C13orf46: variants seen among roughly 807,000 people sequenced by gnomAD.
C13orf46 encodes the protein chromosome 13 open reading frame 46.
chr13:113,972,685 G>A (rs1321426899), intron 1 of C13orf46, among the ~76,000 whole-genome samples: 20 of 152,214 alleles, frequency 1.3e-4, no homozygotes, highest in Admixed American at 1.3e-3. Flanking sequence ...TACACGTTTC[G>A]CGGTTTAGAA....
At chr13:113,957,797 C>T (rs2052552141) in intron 6 of C13orf46, among the ~76,000 whole-genome samples, 1 of 148,358 alleles carries the variant, frequency 6.7e-6, no homozygotes, top group African/African-American at 2.5e-5. Context: ...TGCCTGCACC[C>T]CCTTTCATCA....
At chr13:113,951,048 G>A (rs1215597227), downstream of C13orf46, among the ~76,000 whole-genome samples, 5 of 152,252 alleles carry the variant, frequency 3.3e-5, no homozygotes, top group Admixed American at 3.3e-4. Context: ...TCACAGCACA[G>A]GGTTTCCCAT....
the C13orf46 span, among the ~76,000 whole-genome samples, chr13:113,939,046 G>A: frequency 6.5e-4 from 98 of 151,858 alleles, 2 homozygotes; most frequent in East Asian, 3.7e-3. Flanking sequence ...TTCCAGACCC[G>A]CCAGGTGCCT....
chr13:113,972,405 G>A (rs1011502134), intron 1 of C13orf46, among the ~76,000 whole-genome samples: 2 of 152,226 alleles, frequency 1.3e-5, no homozygotes, highest in African/African-American at 4.8e-5. Context: ...CCCAGGGCTT[G>A]AGCAAGCAAA....
the C13orf46 span, among the ~76,000 whole-genome samples, chr13:113,930,130 G>A: frequency 6.6e-6 from 1 of 152,234 alleles, no homozygotes; most frequent in African/African-American, 2.4e-5. Context: ...CCTTGGGTCT[G>A]CACGAGGCTC....
chr13:113,945,081 G>A, the C13orf46 span, among the ~76,000 whole-genome samples: 11 of 148,506 alleles, frequency 7.4e-5, no homozygotes, highest in African/African-American at 1.2e-4. Context: ...GGTGTGTGAC[G>A]GGCCCTCCAG....
rs1378084062 is a variant in C13orf46, at chr13:113,955,486, T to C, written c.*1287A>G. On this transcript the variant is annotated 3_prime_UTR_variant, in exon 7 of 7. Coordinates refer to ENST00000636427, the MANE Select transcript of C13orf46 (RefSeq NM_001365455.2). Reference sequence around the variant, plus strand: ...GCATCTCGAGGAGCGGAGGAGCATCTGGCGGAGACGAGGAGCATCTCGTGG... The same window carrying C: ...GCATCTCGAGGAGCGGAGGAGCATCCGGCGGAGACGAGGAGCATCTCGTGG... 19,872 of 146,088 alleles carry C rather than the reference T, an allele frequency of 0.14. 1,776 individuals are homozygous for C. Among genetic ancestry groups the C allele is most frequent in the Non-Finnish European group, 0.18 (12,486 of 70,182 alleles). 9.0% of individuals were successfully genotyped at this position (146,088 alleles called of 1,614,324 possible).
intron 2 of C13orf46, among the ~76,000 whole-genome samples, chr13:113,969,711 G>T (rs975445440): frequency 6.6e-6 from 1 of 152,204 alleles, no homozygotes; most frequent in African/African-American, 2.4e-5. Flanking sequence ...AGAACGGGAC[G>T]CGAGGTGCAG....
chr13:113,937,408 T>C, the C13orf46 span, among the ~76,000 whole-genome samples: 1 of 152,200 alleles, frequency 6.6e-6, no homozygotes, highest in Non-Finnish European at 1.5e-5. Flanking sequence ...TCCTTTCCCT[T>C]GGTTATGGTA....
downstream of C13orf46, among the ~76,000 whole-genome samples, chr13:113,953,123 A>G (rs1316672897): frequency 6.6e-6 from 1 of 151,252 alleles, no homozygotes; most frequent in Non-Finnish European, 1.5e-5. Flanking sequence ...CCTTCCCCAG[A>G]CCCCCGGCCT....
the C13orf46 span, among the ~76,000 whole-genome samples, chr13:113,945,710 C>G: frequency 6.6e-6 from 1 of 151,900 alleles, no homozygotes; most frequent in African/African-American, 2.4e-5. Context: ...TGAGCTACTC[C>G]CAAGTCAAGG....
the C13orf46 span, among the ~76,000 whole-genome samples, chr13:113,942,102 G>A: frequency 4.0e-3 from 616 of 152,366 alleles, 10 homozygotes; most frequent in East Asian, 0.049. Flanking sequence ...ATGGTGGCAT[G>A]AGCAACAAAA....
intron 1 of C13orf46, among the ~76,000 whole-genome samples, chr13:113,972,091 A>T (rs1430700390): frequency 6.6e-6 from 1 of 152,096 alleles, no homozygotes; most frequent in Non-Finnish European, 1.5e-5. Flanking sequence ...GCAGGTGTTG[A>T]GGGAAATGTC....
chr13:113,965,765 T>C (rs1160445863), intron 5 of C13orf46, among the ~76,000 whole-genome samples: 1 of 150,326 alleles, frequency 6.7e-6, no homozygotes, highest in Non-Finnish European at 1.5e-5. Flanking sequence ...GTGATGGTGA[T>C]GATGGTGATG....
chr13:113,939,282 A>C, the C13orf46 span, among the ~76,000 whole-genome samples: 1 of 152,118 alleles, frequency 6.6e-6, no homozygotes, highest in Non-Finnish European at 1.5e-5. Context: ...CATGTTCCGG[A>C]GTGTGGAGCT....
chr13:113,945,118 G>A, the C13orf46 span, among the ~76,000 whole-genome samples: 8 of 152,062 alleles, frequency 5.3e-5, no homozygotes, highest in Non-Finnish European at 8.8e-5. Context: ...GCAGGTGTGC[G>A]AAGGACCCTC....
At chr13:113,946,074 G>A in the C13orf46 span, among the ~76,000 whole-genome samples, 1 of 112,934 alleles carries the variant, frequency 8.9e-6, no homozygotes, top group South Asian at 2.3e-4. Context: ...CGTTTAAAAC[G>A]CTAACCGAAT....
the C13orf46 span, among the ~76,000 whole-genome samples, chr13:113,945,608 GAA>G: frequency 1.7e-5 from 1 of 57,412 alleles, no homozygotes; most frequent in East Asian, 5.3e-4. Flanking sequence ...AAAGAAAGAA[GAA>G]AGAAAGAAAG....
At chr13:113,960,864 G>C (rs1455497055) in intron 6 of C13orf46, among the ~76,000 whole-genome samples, 3 of 152,342 alleles carry the variant, frequency 2.0e-5, no homozygotes, top group African/African-American at 7.2e-5. Context: ...CAATCACACT[G>C]CAGGTTTTTC....
Sources: gnomAD v4.1 joint callset for allele counts (sites outside exome capture counted in the v4.1 genomes callset) on GRCh38, gnomAD v4.1.1 for gene constraint, MANE v1.5 for transcripts, NCBI Gene and HGNC (gene_info 2026-07-23, HGNC 2026-07-21) for gene names.